CD276: variants seen among roughly 807,000 people sequenced by gnomAD.
CD276 encodes CD276 molecule, also known as CD276 antigen.
In CD276, 34 loss-of-function variants were observed where a neutral mutation model predicts 50.0. The observed-to-expected ratio is 0.68, with a 90% CI of 0.52 to 0.91. The LOEUF is 0.91. Ranked by LOEUF, CD276 falls within the 40% of genes least tolerant of loss-of-function variation. The pLI is 0.00. For synonymous variants in CD276, 275 were observed against 313.0 expected (o/e 0.88, Z 1.28); for missense variants, 634 against 717.5 (o/e 0.88, Z 1.33).
At chr15:73,709,511 G>T (rs911116444) in intron 7 of CD276, 137 bp from the exon 8 acceptor site, 3 of 801,128 alleles carry the variant, frequency 3.7e-6, no homozygotes, top group African/African-American at 3.5e-5. Context: ...GCTCTAACCC[G>T]TGTCTAGCAT....
intron 1 of CD276, chr15:73,686,262 T>C (rs1247426322): frequency 1.0e-6 from 1 of 984,268 alleles, no homozygotes; most frequent in East Asian, 1.1e-4. Flanking sequence ...GCTTTCCAGC[T>C]TACTCTAGAC....
chr15:73,713,843 TG>T lies in CD276; in HGVS notation c.*888del. On this transcript the variant is annotated 3_prime_UTR_variant, in exon 10 of 10. Transcript: ENST00000318443. ...CTTTCTTTTCATGTATCCATTCAGT[TG>T]ATGTTTATTGAGCAACTACAGATGT... 1 of 441,196 alleles carries T rather than the reference TG, an allele frequency of 2.3e-6. No homozygotes were observed. The highest frequency in any genetic ancestry group is 4.5e-6 in the Non-Finnish European group (1 of 221,064). The allele number at this position is 441,196 out of a possible 1,614,324, so 27.3% of individuals were successfully genotyped here.
rs746218612 is a variant in CD276 at position 73,712,957 on chromosome 15, C to T, written c.*1C>T. On this transcript the variant is annotated 3_prime_UTR_variant, in exon 10 of 10. Coordinates refer to ENST00000318443, the MANE Select transcript of CD276 (RefSeq NM_001024736.2). Reference sequence around the variant, plus strand: ...AGATGATGGACAAGAAATAGCCTGACCATGAGGACCAGGGAGCTGCTACCC... The same window carrying T: ...AGATGATGGACAAGAAATAGCCTGATCATGAGGACCAGGGAGCTGCTACCC... 2 of 1,613,832 alleles carry T rather than the reference C, an allele frequency of 1.2e-6. No individual in the cohort carries two copies. Among genetic ancestry groups the T allele is most frequent in the South Asian group, 2.2e-5 (2 of 91,070 alleles).
At position 73,703,659 on chromosome 15, in the gene CD276, G is replaced by A; in HGVS notation, c.734G>A (p.Gly245Glu). Reference protein sequence around the residue: ...VTITPQRSPTGAVEVQVPEDP... With the variant: ...VTITPQRSPTEAVEVQVPEDP... ...CCTGCCCCTCTGACCCCGCCCCCAGGAGCCGTGGAGGTCCAGGTCCCTGAG... is the reference window on the plus strand; with the variant it reads ...CCTGCCCCTCTGACCCCGCCCCCAGAAGCCGTGGAGGTCCAGGTCCCTGAG... Residue 245 changes from glycine (G) to glutamate (E), a missense_variant and splice_region_variant, in exon 5 of 10, where the codon GGA becomes GAA. Gly to Glu is a moderately conservative substitution (Grantham distance 98). Coordinates refer to ENST00000318443, the MANE Select transcript of CD276 (RefSeq NM_001024736.2). The A allele has an allele frequency of 1.9e-6, 3 of 1,604,974 alleles. No homozygotes were observed. The highest frequency in any genetic ancestry group is 2.6e-6 in the Non-Finnish European group (3 of 1,174,802).
At chr15:73,700,460 G>T (rs923700853) in intron 2 of CD276, among the ~76,000 whole-genome samples, 2 of 152,244 alleles carry the variant, frequency 1.3e-5, no homozygotes, top group South Asian at 2.1e-4. Flanking sequence ...AGAAGTGCCT[G>T]TCTCTACCCA....
At chr15:73,702,117 G>T in intron 2 of CD276, 138 bp from the exon 3 acceptor site, 1 of 685,664 alleles carries the variant, frequency 1.5e-6, no homozygotes. Flanking sequence ...GAGGTCCTAA[G>T]ACAATAAATT....
chr15:73,691,783 C>T (rs1201977348), intron 1 of CD276, among the ~76,000 whole-genome samples: 1 of 152,208 alleles, frequency 6.6e-6, no homozygotes, highest in Non-Finnish European at 1.5e-5. Flanking sequence ...TTGAATTTGC[C>T]TCTTTGTCAA....
chr15:73,692,270 G>A (rs903774622), intron 1 of CD276, among the ~76,000 whole-genome samples: 4 of 152,076 alleles, frequency 2.6e-5, no homozygotes, highest in Admixed American at 2.6e-4. Context: ...CTACTGCCTC[G>A]TCCATTCCCA....
chr15:73,709,355 G>A (rs1900791590), intron 7 of CD276, among the ~76,000 whole-genome samples: 1 of 151,410 alleles, frequency 6.6e-6, no homozygotes, highest in Admixed American at 6.6e-5. Context: ...GGTAAGTGGT[G>A]CACTCCAGGC....
At chr15:73,699,020 G>T (rs1043925749) in intron 1 of CD276, among the ~76,000 whole-genome samples, 1 of 152,158 alleles carries the variant, frequency 6.6e-6, no homozygotes, top group Non-Finnish European at 1.5e-5. Flanking sequence ...TTCCTCACTG[G>T]TCTCTCAAAG....
chr15:73,704,532 C>A lies in CD276; in HGVS notation c.1369+60C>A, dbSNP rs1900572177. The A allele has an allele frequency of 1.3e-6, 2 of 1,541,236 alleles. No individual in the cohort carries two copies. The highest frequency in any genetic ancestry group is 2.7e-5 in the African/African-American group (2 of 73,396). On this transcript the variant is annotated intron_variant, in intron 6 of 9. Coordinates refer to ENST00000318443, the MANE Select transcript of CD276 (RefSeq NM_001024736.2). This position sits in a 1 kb window ranked among gnomAD's most constrained non-coding sequence, Gnocchi z 4.1. ...CGAGTAACTCCCTCTTTACTGGACC[C>A]TAACGTGGAATTTCCATAGGTTTGG...
chr15:73,709,847 G>T (rs1366931078), intron 8 of CD276, among the ~76,000 whole-genome samples, 158 bp downstream of exon 8: 1 of 152,186 alleles, frequency 6.6e-6, no homozygotes, highest in African/African-American at 2.4e-5. Context: ...TCTGCTCTTT[G>T]CCCAGAGTTA....
rs1317894708 is a variant in CD276, at chr15:73,704,651, T to C, written c.1369+179T>C. On this transcript the variant is annotated intron_variant, in intron 6 of 9. Transcript: ENST00000318443. This position sits in a 1 kb window ranked among gnomAD's most constrained non-coding sequence, Gnocchi z 4.1. ...AAGGGACTCGAGCTGATAAGAACCATTTATAATGTTTGCCTTCCTAAGAGT... is the reference window on the plus strand; with the variant it reads ...AAGGGACTCGAGCTGATAAGAACCACTTATAATGTTTGCCTTCCTAAGAGT... Among the ~76,000 whole-genome samples, 11 of 152,220 alleles carry C rather than the reference T, an allele frequency of 7.2e-5. No individual in the cohort carries two copies. Among genetic ancestry groups the C allele is most frequent in the African/African-American group, 2.7e-4 (11 of 41,454 alleles).
At chr15:73,703,204 G>GAT (rs1900488566) in intron 4 of CD276, 118 bp downstream of exon 4, 5 of 1,203,772 alleles carry the variant, frequency 4.2e-6, no homozygotes, top group Middle Eastern at 2.0e-4. Context: ...GCCTCCTAAT[G>GAT]ATAGGGAGAA....
At chr15:73,705,629 T>C (rs961566850) in intron 6 of CD276, among the ~76,000 whole-genome samples, 1 of 152,140 alleles carries the variant, frequency 6.6e-6, no homozygotes, top group Non-Finnish European at 1.5e-5. Flanking sequence ...CTTGACCTTT[T>C]AGAGAACAGC....
In CD276 at chr15:73,713,051, C is replaced by T. The variant is rs189728434; in HGVS notation, c.*95C>T. The T allele has an allele frequency of 9.6e-6, 11 of 1,146,280 alleles. No homozygotes were observed. Among genetic ancestry groups the T allele is most frequent in the South Asian group, 1.4e-5 (1 of 72,932 alleles). 71.0% of individuals were successfully genotyped at this position (1,146,280 alleles called of 1,614,324 possible). A position where few individuals can be genotyped will look rare whatever the true frequency, so the allele number is the denominator to read the frequency against. ...TGAGCCCTGCCCCCAACAGATGCAT[C>T]CTGCTCTGACAGGTGGGCTCCTTCT... is the stretch of plus-strand genomic sequence containing the variant. On this transcript the variant is annotated 3_prime_UTR_variant, in exon 10 of 10. Coordinates refer to ENST00000318443, the MANE Select transcript of CD276 (RefSeq NM_001024736.2).
chr15:73,684,121 C>G (rs1899638511), upstream of CD276: 2 of 112,830 alleles, frequency 1.8e-5, no homozygotes, highest in African/African-American at 6.7e-5. Flanking sequence ...AGTGTGGGAA[C>G]GGGGTGGGGG....
chr15:73,699,835 C>A, intron 2 of CD276, 117 bp downstream of exon 2: 1 of 1,224,554 alleles, frequency 8.2e-7, no homozygotes, highest in Non-Finnish European at 1.1e-6. Flanking sequence ...AGGGCCATAC[C>A]TTACTTCCAC....
At chr15:73,702,640 C>A (rs780690685) in intron 3 of CD276, 47 bp downstream of exon 3, 13 of 1,567,798 alleles carry the variant, frequency 8.3e-6, no homozygotes, top group Admixed American at 1.8e-5. Flanking sequence ...ACCCTCCATT[C>A]CCCCTGCAGC....
Sources: gnomAD v4.1 joint callset for allele counts (sites outside exome capture counted in the v4.1 genomes callset) on GRCh38, gnomAD v4.1.1 for gene constraint, Gnocchi (gnomAD v3.1) non-coding constraint, MANE v1.5 for transcripts, NCBI Gene and HGNC (gene_info 2026-07-23, HGNC 2026-07-21) for gene names.